The following FOXO3 variants were observed in gnomAD, a reference collection of about 807,000 sequenced individuals.
FOXO3 encodes forkhead box protein O3.
In FOXO3, 4 loss-of-function variants were observed where a neutral mutation model predicts 41.9. That is an observed-to-expected ratio of 0.10 (90% CI 0.05 to 0.22). The LOEUF (loss-of-function observed/expected upper bound fraction) is 0.22, where lower values mean the gene tolerates loss of function less well. Ranked by LOEUF, FOXO3 falls within the 10% of genes least tolerant of loss-of-function variation. FOXO3 has a pLI of 1.00. For missense variants in FOXO3, 534 were observed against 906.8 expected, an observed-to-expected ratio of 0.59 and a Z score of 5.28; for synonymous variants, 318 against 389.3, an observed-to-expected ratio of 0.82 and a Z score of 2.16.
chr6:108,563,148 G>A (rs1274067023), intron 1 of FOXO3, among the ~76,000 whole-genome samples: 1 of 152,206 alleles, frequency 6.6e-6, no homozygotes, highest in Non-Finnish European at 1.5e-5. Flanking sequence ...AAGCACTGGA[G>A]ACGAGCCTGT....
chr6:108,596,994 G>A (rs1310123492), intron 1 of FOXO3, among the ~76,000 whole-genome samples: 3 of 152,106 alleles, frequency 2.0e-5, no homozygotes, highest in Admixed American at 6.5e-5. Context: ...ACTCTTTAGA[G>A]TCTGAAGTGT....
chr6:108,572,735 A>G (rs1776138841), intron 1 of FOXO3, among the ~76,000 whole-genome samples: 1 of 152,230 alleles, frequency 6.6e-6, no homozygotes, highest in African/African-American at 2.4e-5. Flanking sequence ...TAATAATGAC[A>G]ATAATAGTAG....
intron 1 of FOXO3, among the ~76,000 whole-genome samples, chr6:108,604,243 A>G (rs950154592): frequency 6.6e-6 from 1 of 152,186 alleles, no homozygotes; most frequent in African/African-American, 2.4e-5. Context: ...ATTTGGAATT[A>G]TGGTGAATGA....
intron 1 of FOXO3, among the ~76,000 whole-genome samples, chr6:108,572,317 A>G (rs1776124601): frequency 6.6e-6 from 1 of 152,178 alleles, no homozygotes; most frequent in Non-Finnish European, 1.5e-5. Context: ...GAGGCATACC[A>G]TGTTCACTGC....
intron 1 of FOXO3, among the ~76,000 whole-genome samples, chr6:108,594,287 A>G (rs550068056): frequency 6.6e-6 from 1 of 152,372 alleles, no homozygotes; most frequent in African/African-American, 2.4e-5. Context: ...CTTTAGAGAA[A>G]AAAAGGAGAG....
intron 1 of FOXO3, among the ~76,000 whole-genome samples, chr6:108,631,020 T>C (rs1340231589): frequency 1.3e-5 from 2 of 152,210 alleles, no homozygotes; most frequent in African/African-American, 4.8e-5. Context: ...AGCCTATTTA[T>C]TGTAGACATT....
chr6:108,646,035 A>G (rs1322335644), intron 1 of FOXO3, among the ~76,000 whole-genome samples: 1 of 152,168 alleles, frequency 6.6e-6, no homozygotes, highest in Non-Finnish European at 1.5e-5. Context: ...TTGTGTGGCC[A>G]CTGTAAGAAG....
At chr6:108,620,238 C>T (rs1256841047) in intron 1 of FOXO3, among the ~76,000 whole-genome samples, 2 of 152,104 alleles carry the variant, frequency 1.3e-5, no homozygotes, top group African/African-American at 4.8e-5. Flanking sequence ...TGACTAATTC[C>T]TGTCTTTGAG....
chr6:108,577,304 T>C (rs1448043500), intron 1 of FOXO3, among the ~76,000 whole-genome samples: 1 of 152,198 alleles, frequency 6.6e-6, no homozygotes, highest in African/African-American at 2.4e-5. Flanking sequence ...CGTCTAGCCA[T>C]TTCTGATTTT....
intron 1 of FOXO3, among the ~76,000 whole-genome samples, chr6:108,636,684 T>G (rs971091258): frequency 1.3e-5 from 2 of 152,058 alleles, no homozygotes; most frequent in African/African-American, 4.8e-5. Context: ...TCTGGAAGTT[T>G]GTGAGGATGA....
intron 1 of FOXO3, among the ~76,000 whole-genome samples, chr6:108,632,503 A>G (rs1439318710): frequency 6.6e-6 from 1 of 152,132 alleles, no homozygotes; most frequent in Non-Finnish European, 1.5e-5. Context: ...CCCCTAACCC[A>G]CTGTGCGTTG....
At chr6:108,656,413 A>G in intron 1 of FOXO3, 1 of 985,398 alleles carries the variant, frequency 1.0e-6, no homozygotes, top group Non-Finnish European at 1.2e-6. Context: ...TACAAAATTT[A>G]AGAAATTACC....
chr6:108,577,782 T>G (rs186664715), intron 1 of FOXO3, among the ~76,000 whole-genome samples: 55 of 152,334 alleles, frequency 3.6e-4, no homozygotes, highest in African/African-American at 1.1e-3. Context: ...CATAGGAAGC[T>G]CCACATGACA....
intron 1 of FOXO3, among the ~76,000 whole-genome samples, chr6:108,591,193 C>G (rs1776724567): frequency 6.6e-6 from 1 of 151,958 alleles, no homozygotes; most frequent in East Asian, 1.9e-4. Context: ...ATTTTTGTAC[C>G]CCACATTGGG....
At chr6:108,621,489 C>T (rs1777661825) in intron 1 of FOXO3, among the ~76,000 whole-genome samples, 2 of 152,144 alleles carry the variant, frequency 1.3e-5, no homozygotes, top group South Asian at 4.1e-4. Context: ...GCATGATGTA[C>T]CTCAGCTACT....
chr6:108,608,393 G>C (rs754819799), intron 1 of FOXO3, among the ~76,000 whole-genome samples: 7 of 152,148 alleles, frequency 4.6e-5, no homozygotes, highest in Non-Finnish European at 1.0e-4. Flanking sequence ...TTTCTAACTG[G>C]GAATTGTCTT....
intron 2 of FOXO3, among the ~76,000 whole-genome samples, chr6:108,667,770 G>T (rs1227937396): frequency 6.6e-6 from 1 of 152,162 alleles, no homozygotes; most frequent in Non-Finnish European, 1.5e-5. Flanking sequence ...GTTTTGAGAA[G>T]ATAACTTCTT....
At position 108,561,119 on chromosome 6, in the gene FOXO3, C is replaced by A. The variant is rs1775769591; in HGVS notation, c.-90C>A. 4 of 1,437,026 alleles carry A rather than the reference C, an allele frequency of 2.8e-6. No homozygotes were observed. The highest frequency in any genetic ancestry group is 2.9e-5 in the Admixed American group (1 of 34,150). The allele number at this position is 1,437,026 out of a possible 1,614,324, so 89.0% of individuals were successfully genotyped here. A position where few individuals can be genotyped will look rare whatever the true frequency, so the allele number is the denominator to read the frequency against. On this transcript the variant is annotated 5_prime_UTR_variant, in exon 1 of 3. Transcript: ENST00000406360. The stretch of plus-strand genomic sequence containing the variant: ...GGCGGCGCCCGGGAGCCGGAGCCTT[C>A]GCGGCGTCCACGTCCCTCCCCCGCT...
At chr6:108,647,766 C>T (rs933441447) in intron 1 of FOXO3, among the ~76,000 whole-genome samples, 1 of 152,140 alleles carries the variant, frequency 6.6e-6, no homozygotes, top group Non-Finnish European at 1.5e-5. Context: ...TTCCTCTTTA[C>T]AAAACTGTGG....
Sources: gnomAD v4.1 joint callset for allele counts (sites outside exome capture counted in the v4.1 genomes callset) on GRCh38, gnomAD v4.1.1 for gene constraint, MANE v1.5 for transcripts, NCBI Gene and HGNC (gene_info 2026-07-23, HGNC 2026-07-21) for gene names.